Variants in NOM1 observed in about 807,000 individuals in gnomAD.
NOM1 encodes nucleolar MIF4G domain-containing protein 1.
NOM1 carries 58 observed loss-of-function variants against 73.3 expected under a neutral mutation model. The ratio of observed to expected loss-of-function variants is 0.79; its 90% CI spans 0.64 to 0.99. The LOEUF is 0.99. Ranked by LOEUF, NOM1 falls within the 50% of genes least tolerant of loss-of-function variation. The probability of loss-of-function intolerance (pLI) is 0.00; values close to 1 mark genes in which losing one functional copy is unlikely to be tolerated. For synonymous variants in NOM1, 487 were observed against 446.8 expected (o/e 1.09, Z -1.14); for missense variants, 1,226 against 1,131.9 (o/e 1.08, Z -1.19).
At chr7:156,962,325 G>A in intron 5 of NOM1, 64 bp downstream of exon 5, 1 of 1,297,864 alleles carries the variant, frequency 7.7e-7, no homozygotes, top group Non-Finnish European at 1.1e-6. Context: ...AGCCTGTCAT[G>A]AAAATCAAGA....
chr7:156,969,615 A>G lies in NOM1; in HGVS notation c.2495A>G (p.His832Arg). 6.2e-7 allele frequency: 1 copy of G among 1,614,118 alleles called. No individual in the cohort carries two copies. Among genetic ancestry groups the G allele is most frequent in the Non-Finnish European group, 8.5e-7 (1 of 1,180,010 alleles). Reference sequence around the variant, plus strand: ...TTCTTGCTAAAGAACGCACAGGCCCACAGAAGCGCCGACGAAGCCAACGTG... The same window carrying G: ...TTCTTGCTAAAGAACGCACAGGCCCGCAGAAGCGCCGACGAAGCCAACGTG... ...SHFLLKNAQA[H>R]RSADEANVLR... is the part of the protein sequence containing the mutation. Residue 832 changes from histidine (H) to arginine (R), a missense_variant, in exon 11 of 11, where the codon CAC becomes CGC. Coordinates refer to ENST00000275820, the MANE Select transcript of NOM1 (RefSeq NM_138400.2).
rs764515530 is a variant in NOM1, at chr7:156,963,968, A to G, written c.1975A>G (p.Ile659Val). ...GATGAACACAGACATCCGGAGAAAC[A>G]TATTCTGCACAATAATGACAAGTGA... is the stretch of plus-strand genomic sequence containing the variant. Reference protein sequence around the residue: ...QRMNTDIRRNIFCTIMTSEDF... With the variant: ...QRMNTDIRRNVFCTIMTSEDF... Residue 659 changes from isoleucine (I) to valine (V), a missense_variant, in exon 7 of 11, where the codon ATA becomes GTA. By Grantham distance (29) the Ile-to-Val change is conservative (BLOSUM62 3). Coordinates refer to ENST00000275820, the MANE Select transcript of NOM1 (RefSeq NM_138400.2). 6.2e-7 allele frequency: 1 copy of G among 1,614,146 alleles called. No homozygotes were observed. The highest frequency in any genetic ancestry group is 1.7e-5 in the Admixed American group (1 of 60,028).
chr7:156,962,694 A>G lies in NOM1; in HGVS notation c.1744-314A>G, dbSNP rs141261305. On this transcript the variant is annotated intron_variant, in intron 5 of 10. Coordinates refer to ENST00000275820, the MANE Select transcript of NOM1 (RefSeq NM_138400.2). The stretch of plus-strand genomic sequence containing the variant: ...TCAGCCCCTGTCATCTCAAGTCCAA[A>G]TCATTGCTGACCCAGGCTCTTCCAG... Among the ~76,000 whole-genome samples, 864 of 152,168 alleles carry G rather than the reference A, an allele frequency of 5.7e-3. 9 individuals are homozygous for G. Among genetic ancestry groups the G allele is most frequent in the African/African-American group, 0.019 (802 of 41,504 alleles).
intron 1 of NOM1, 26 bp downstream of exon 1, chr7:156,950,750 C>T (rs1007261478): frequency 5.3e-6 from 8 of 1,522,450 alleles, no homozygotes; most frequent in Admixed American, 4.3e-5. Context: ...TCTCTAGGCC[C>T]TCTGGGATTT....
chr7:156,971,650 T>C lies in NOM1; in HGVS notation c.*1947T>C, dbSNP rs1805142939. On this transcript the variant is annotated 3_prime_UTR_variant, in exon 11 of 11. Transcript: ENST00000275820. Reference sequence around the variant, plus strand: ...CCGTGCCTGGCCTCAAATTTTATTTTAGCTCGACCCTATGGCAGTTTGTGT... The same window carrying C: ...CCGTGCCTGGCCTCAAATTTTATTTCAGCTCGACCCTATGGCAGTTTGTGT... The C allele has an allele frequency of 6.6e-6, 1 of 152,302 alleles. No individual in the cohort carries two copies. The highest frequency in any genetic ancestry group is 1.5e-5 in the Non-Finnish European group (1 of 68,074). 9.4% of individuals were successfully genotyped at this position (152,302 alleles called of 1,614,324 possible).
intron 6 of NOM1, 33 bp from the exon 7 acceptor site, chr7:156,963,872 T>C (rs1244098473): frequency 1.3e-6 from 2 of 1,597,214 alleles, no homozygotes; most frequent in East Asian, 2.2e-5. Flanking sequence ...CATGGAGACA[T>C]GCGTATGACT....
intron 4 of NOM1, 159 bp downstream of exon 4, chr7:156,960,333 C>T: frequency 4.9e-6 from 3 of 606,918 alleles, no homozygotes; most frequent in African/African-American, 1.9e-5. Context: ...TGTGAATGGA[C>T]CTTATTCCTT....
In NOM1 at chr7:156,949,837, C is replaced by T. The variant is rs1804526772; in HGVS notation, c.100C>T (p.Pro34Ser). The stretch of plus-strand genomic sequence containing the variant: ...AGGCGGGCGCGGGCCGCGCCGCGGT[C>T]CTGCTGGCGGTGGGGAGAAGGCCCT... Reference protein sequence around the residue: ...RRGGRGPRRGPAGGGEKALKR... With the variant: ...RRGGRGPRRGSAGGGEKALKR... Residue 34 changes from proline to serine, a missense_variant, in exon 1 of 11, where the codon CCT becomes TCT. Physicochemically the swap from Pro to Ser is moderately conservative, Grantham distance 74. Transcript: ENST00000275820. The T allele has an allele frequency of 2.1e-6, 3 of 1,457,798 alleles. No individual in the cohort carries two copies. The highest frequency in any genetic ancestry group is 1.8e-6 in the Non-Finnish European group (2 of 1,106,656). 90.3% of individuals were successfully genotyped at this position (1,457,798 alleles called of 1,614,324 possible). A position where few individuals can be genotyped will look rare whatever the true frequency, so the allele number is the denominator to read the frequency against.
chr7:156,949,956 C>T lies in NOM1; in HGVS notation c.219C>T (p.Ser73=). The change falls in exon 1 of 11, where the codon AGC becomes AGT. Residue 73 remains serine (S), a synonymous_variant. Transcript: ENST00000275820. ...GCGAGGGGCGCGGCGCCCCGGTGAG[C>T]TTTCGCCCGGGAGGGAGAAAAAGCC... The part of the protein sequence containing the change: ...GGCEGRGAPV[S]FRPGGRKSRK... The T allele has an allele frequency of 6.5e-7, 1 of 1,541,596 alleles. No homozygotes were observed. The highest frequency in any genetic ancestry group is 8.7e-7 in the Non-Finnish European group (1 of 1,146,550).
Position 156,969,150 on chromosome 7 carries a change from C to T in NOM1, c.2362C>T (p.Leu788=), listed in dbSNP as rs1805078227. 1 of 1,601,876 alleles carries T rather than the reference C, an allele frequency of 6.2e-7. No individual in the cohort carries two copies. The highest frequency in any genetic ancestry group is 8.6e-7 in the Non-Finnish European group (1 of 1,168,838). ...TTTTTTACGAAAAGTATTAAGTATCCTATTAATGGAAACAGAAGTTGAAGA... is the reference window on the plus strand; with the variant it reads ...TTTTTTACGAAAAGTATTAAGTATCTTATTAATGGAAACAGAAGTTGAAGA... ...VRFLRKVLSI[L]LMETEVEDLS... is the part of the protein sequence containing the mutation. The change falls in exon 10 of 11, where the codon CTA becomes TTA. Residue 788 remains leucine, a synonymous_variant. Transcript: ENST00000275820.
In NOM1 at chr7:156,950,703, G is replaced by A; in HGVS notation, c.966G>A (p.Glu322=). The change falls in exon 1 of 11, where the codon GAG becomes GAA. Residue 322 remains glutamate, a synonymous_variant. Coordinates refer to ENST00000275820, the MANE Select transcript of NOM1 (RefSeq NM_138400.2). ...EDEEKSENSS[E]DGDITDKSLC... ...AAGAAAAGAGTGAAAATTCCTCGGA[G>A]GACGGTGACATAACGGATAAGGTAT... is the stretch of plus-strand genomic sequence containing the variant. 6.4e-7 allele frequency: 1 copy of A among 1,551,594 alleles called. No homozygotes were observed. Among genetic ancestry groups the A allele is most frequent in the South Asian group, 1.2e-5 (1 of 84,052 alleles).
chr7:156,969,614 C>A lies in NOM1; in HGVS notation c.2494C>A (p.His832Asn), dbSNP rs1304049408. ...CTTCTTGCTAAAGAACGCACAGGCC[C>A]ACAGAAGCGCCGACGAAGCCAACGT... ...SHFLLKNAQA[H>N]RSADEANVLR... Residue 832 changes from histidine (H) to asparagine (N), a missense_variant, in exon 11 of 11, where the codon CAC becomes AAC. Transcript: ENST00000275820. 6.2e-7 allele frequency: 1 copy of A among 1,613,884 alleles called. No homozygotes were observed. The highest frequency in any genetic ancestry group is 8.5e-7 in the Non-Finnish European group (1 of 1,179,984).
At chr7:156,952,681 A>T in intron 2 of NOM1, 83 bp downstream of exon 2, 3 of 1,431,800 alleles carry the variant, frequency 2.1e-6, no homozygotes, top group Non-Finnish European at 2.9e-6. Flanking sequence ...AGCAATTCAA[A>T]TAGAAGTGAT....
Position 156,960,146 on chromosome 7 carries a change from C to T in NOM1, c.1604C>T (p.Ala535Val), listed in dbSNP as rs1009440369. ...GAAGCCCAGACCAAAGCCAGCGGGG[C>T]AGGCAGCGAGTTTCAGGACCAGACC... ...ITEAQTKASG[A>V]GSEFQDQTRI... Residue 535 changes from alanine (A) to valine (V), a missense_variant, in exon 4 of 11, where the codon GCA becomes GTA. Coordinates refer to ENST00000275820, the MANE Select transcript of NOM1 (RefSeq NM_138400.2). 6.2e-7 allele frequency: 1 copy of T among 1,613,536 alleles called. No homozygotes were observed. Among genetic ancestry groups the T allele is most frequent in the Admixed American group, 1.7e-5 (1 of 59,738 alleles).
rs145994069 is a variant in NOM1, at chr7:156,959,382, C to T, written c.1309-469C>T. Reference sequence around the variant, plus strand: ...CTCCCAAAAGTGCTGGGTTTACAGGCGCACACCACCACACCTGGCTAATTT... The same window carrying T: ...CTCCCAAAAGTGCTGGGTTTACAGGTGCACACCACCACACCTGGCTAATTT... On this transcript the variant is annotated intron_variant, in intron 3 of 10. Coordinates refer to ENST00000275820, the MANE Select transcript of NOM1 (RefSeq NM_138400.2). 4.1e-3 allele frequency among the ~76,000 whole-genome samples: 612 copies of T among 150,246 alleles called. 6 individuals carry two copies. Among genetic ancestry groups the T allele is most frequent in the Non-Finnish European group, 6.8e-3 (460 of 67,638 alleles).
intron 4 of NOM1, among the ~76,000 whole-genome samples, chr7:156,961,789 T>C (rs1804868541): frequency 6.6e-6 from 1 of 151,072 alleles, no homozygotes; most frequent in Non-Finnish European, 1.5e-5. Context: ...GGAGAGAGGA[T>C]GTCCAGAGCA....
chr7:156,969,920 G>A lies in NOM1; in HGVS notation c.*217G>A. 2.7e-6 allele frequency: 1 copy of A among 372,410 alleles called. No homozygotes were observed. The highest frequency in any genetic ancestry group is 4.8e-6 in the Non-Finnish European group (1 of 207,272). 23.1% of individuals were successfully genotyped at this position (372,410 alleles called of 1,614,324 possible). A position where few individuals can be genotyped will look rare whatever the true frequency, so the allele number is the denominator to read the frequency against. The stretch of plus-strand genomic sequence containing the variant: ...TTGGGGGTGAGAGGAGAAGGAGGGA[G>A]GGAAAAGGGGTCAGGCACACTGGAC... On this transcript the variant is annotated 3_prime_UTR_variant, in exon 11 of 11. Transcript: ENST00000275820.
In NOM1 at chr7:156,963,067, G is replaced by A; in HGVS notation, c.1803G>A (p.Leu601=). Residue 601 remains leucine (L), a synonymous_variant, in exon 6 of 11, where the codon TTG becomes TTA. Transcript: ENST00000275820. Reference sequence around the variant, plus strand: ...TTCGCGTCTCCTGGGACAGTGTCTTGAGTGCGGAGCAGACGGGTCGCTGGT... The same window carrying A: ...TTCGCGTCTCCTGGGACAGTGTCTTAAGTGCGGAGCAGACGGGTCGCTGGT... ...TQLRVSWDSV[L]SAEQTGRWWI... is the part of the protein sequence containing the mutation. 6.2e-7 allele frequency: 1 copy of A among 1,614,230 alleles called. No homozygotes were observed. Among genetic ancestry groups the A allele is most frequent in the South Asian group, 1.1e-5 (1 of 91,082 alleles).
At chr7:156,966,465 G>A in intron 8 of NOM1, 63 bp downstream of exon 8, 1 of 1,590,628 alleles carries the variant, frequency 6.3e-7, no homozygotes, top group African/African-American at 1.3e-5. Flanking sequence ...AGGCTACCTG[G>A]CTCAACCCAC....
Sources: allele counts gnomAD v4.1 joint callset (sites outside exome capture counted in the v4.1 genomes callset), GRCh38; gene constraint gnomAD v4.1.1; transcripts MANE v1.5; gene names NCBI Gene and HGNC (gene_info 2026-07-23, HGNC 2026-07-21).